ADAMTSL4: variants seen among roughly 807,000 people sequenced by gnomAD.
The protein encoded by ADAMTSL4 is ADAMTS-like protein 4.
A neutral mutation model predicts 122.8 loss-of-function variants in ADAMTSL4; 97 were observed. The ratio of observed to expected loss-of-function variants is 0.79; its 90% CI spans 0.67 to 0.93. The LOEUF (loss-of-function observed/expected upper bound fraction) is 0.93, where lower values mean the gene tolerates loss of function less well. ADAMTSL4 is among the 40% of genes least tolerant of loss of function. ADAMTSL4 has a pLI of 0.00. For missense variants in ADAMTSL4, 1,408 were observed against 1,453.5 expected (o/e 0.97, Z 0.51); for synonymous variants, 592 against 568.0 (o/e 1.04, Z -0.60).
chr1:150,555,651 A>C (rs1671971249), intron 8 of ADAMTSL4, 86 bp downstream of exon 8: 1 of 1,566,806 alleles, frequency 6.4e-7, no homozygotes. Context: ...GTACACACAT[A>C]TGTATGAACA....
Position 150,554,353 on chromosome 1 carries a change from C to A in ADAMTSL4, c.1132-12C>A. 1 of 1,611,040 alleles carries A rather than the reference C, an allele frequency of 6.2e-7. No homozygotes were observed. Among genetic ancestry groups the A allele is most frequent in the Non-Finnish European group, 8.5e-7 (1 of 1,178,570 alleles). On this transcript the variant is annotated splice_polypyrimidine_tract_variant and intron_variant, in intron 6 of 18. Coordinates refer to ENST00000271643, the MANE Select transcript of ADAMTSL4 (RefSeq NM_019032.6). This position sits in a 1 kb window ranked among gnomAD's most constrained non-coding sequence, Gnocchi z 4.0. ...CTCCCCAGCTCTGACTCCTTTGTAC[C>A]CCTCACCGCAGCCCTGCCCCCCTGA... is the stretch of plus-strand genomic sequence containing the variant.
At position 150,559,239 on chromosome 1, in the gene ADAMTSL4, C is replaced by G; in HGVS notation, c.2764-48C>G. 6.2e-7 allele frequency: 1 copy of G among 1,612,714 alleles called. No individual in the cohort carries two copies. The highest frequency in any genetic ancestry group is 8.5e-7 in the Non-Finnish European group (1 of 1,179,290). On this transcript the variant is annotated intron_variant, in intron 16 of 18. Coordinates refer to ENST00000271643, the MANE Select transcript of ADAMTSL4 (RefSeq NM_019032.6). This position sits in a 1 kb window ranked among gnomAD's most constrained non-coding sequence, Gnocchi z 4.1. The stretch of plus-strand genomic sequence containing the variant: ...GGATTCCTTGTGGGCACTTGGGGTG[C>G]TCTCTGTCCTCCCCTCCCCTCATCA...
intron 8 of ADAMTSL4, 106 bp downstream of exon 8, chr1:150,555,671 A>G: frequency 1.3e-6 from 2 of 1,501,248 alleles, no homozygotes; most frequent in Non-Finnish European, 1.8e-6. Context: ...ACATGCACAC[A>G]TGCAAGCACA....
Position 150,556,960 on chromosome 1 carries a change from C to A in ADAMTSL4, c.1771C>A (p.Pro591Thr). The A allele has an allele frequency of 6.2e-7, 1 of 1,614,072 alleles. No individual in the cohort carries two copies. The highest frequency in any genetic ancestry group is 8.5e-7 in the Non-Finnish European group (1 of 1,179,968). ...CCAGATGATCTTTCAGGAGGAAAAC[C>A]CAGGCGTTTTTTATCAGTATGTCAT... ...DVYMIFQEENPGVFYQYVISS... is the reference protein window; with the variant it reads ...DVYMIFQEENTGVFYQYVISS... The change falls in exon 11 of 19, where the codon CCA becomes ACA. Residue 591 changes from proline to threonine, a missense_variant. Coordinates refer to ENST00000271643, the MANE Select transcript of ADAMTSL4 (RefSeq NM_019032.6). The surrounding 1 kb of genome is among the most constrained non-coding windows in gnomAD (Gnocchi z 4.1).
intron 2 of ADAMTSL4, chr1:150,550,775 C>G (rs1412789345): frequency 4.4e-6 from 2 of 456,410 alleles, no homozygotes; most frequent in Non-Finnish European, 8.8e-6. Context: ...CACCCCAACC[C>G]CAATCCCTGA....
rs1570937751 is a variant in ADAMTSL4, at chr1:150,555,367, G to A, written c.1235-62G>A. 1.6e-5 allele frequency: 26 copies of A among 1,606,410 alleles called. No individual in the cohort carries two copies. In the East Asian group the frequency reaches 5.8e-4, roughly 36 times the overall value. On this transcript the variant is annotated intron_variant, in intron 7 of 18. Transcript: ENST00000271643. ...GCAACCTCAAGGTGCCCCCTCTGGG[G>A]CCTCTCTCAGCTAACCTCCCACCAG...
chr1:150,555,147 G>A (rs1025932741), intron 7 of ADAMTSL4, among the ~76,000 whole-genome samples: 3 of 151,948 alleles, frequency 2.0e-5, no homozygotes, highest in East Asian at 1.9e-4. Context: ...GTGCCACCAC[G>A]CCTGGCTAAT....
At chr1:150,557,802 A>G (rs1351633295) in intron 13 of ADAMTSL4, 143 bp from the exon 14 acceptor site, 4 of 1,274,268 alleles carry the variant, frequency 3.1e-6, no homozygotes, top group Non-Finnish European at 4.3e-6. Context: ...TGAGCCCCCC[A>G]GGAACCCAGA....
chr1:150,555,357 C>G, intron 7 of ADAMTSL4, 72 bp from the exon 8 acceptor site: 1 of 1,597,472 alleles, frequency 6.3e-7, no homozygotes, highest in Non-Finnish European at 8.5e-7. Context: ...CTCAAGGTGC[C>G]CCCTCTGGGG....
At chr1:150,553,278 G>A (rs2101573704) in intron 5 of ADAMTSL4, 25 bp downstream of exon 5, 3 of 1,610,602 alleles carry the variant, frequency 1.9e-6, no homozygotes, top group Non-Finnish European at 2.5e-6. Flanking sequence ...TGGAAGAGGT[G>A]GGCCTTGGGC....
rs762496609 is a variant in ADAMTSL4, at chr1:150,555,578, A to AGT, written c.1371+23_1371+24dup. The AGT allele has an allele frequency of 1.1e-5, 18 of 1,609,794 alleles. 1 individual carries two copies. Among genetic ancestry groups the AGT allele is most frequent in the South Asian group, 2.2e-5 (2 of 90,914 alleles). Reference sequence around the variant, plus strand: ...TGGACGCTGTCTGGTGAGGGAAGACAGTGTGTGTGTGCACACACACATGCA... The same window carrying AGT: ...TGGACGCTGTCTGGTGAGGGAAGACAGTGTGTGTGTGTGCACACACACATGCA... On this transcript the variant is annotated intron_variant, in intron 8 of 18. Coordinates refer to ENST00000271643, the MANE Select transcript of ADAMTSL4 (RefSeq NM_019032.6).
Position 150,555,700 on chromosome 1 carries a change from C to CAG in ADAMTSL4, c.1371+136_1371+137insGA. 3 of 168,576 alleles carry CAG rather than the reference C, an allele frequency of 1.8e-5. No individual in the cohort carries two copies. The South Asian group carries it at 3.9e-4, about 22-fold the overall frequency. The allele number at this position is 168,576 out of a possible 1,614,324, so 10.4% of individuals were successfully genotyped here. ...AAGCACATACACACACGCATATGCG[C>CAG]ACAGACACATGCACACACGCACACA... On this transcript the variant is annotated intron_variant, in intron 8 of 18. Coordinates refer to ENST00000271643, the MANE Select transcript of ADAMTSL4 (RefSeq NM_019032.6).
chr1:150,551,239 G>A (rs2101540915), intron 2 of ADAMTSL4: 1 of 351,638 alleles, frequency 2.8e-6, no homozygotes, highest in Middle Eastern at 1.0e-3. Flanking sequence ...AGCTGGTAGA[G>A]ACGCACAGGA....
intron 14 of ADAMTSL4, 83 bp downstream of exon 14, chr1:150,558,232 A>G: frequency 1.3e-6 from 2 of 1,595,228 alleles, no homozygotes; most frequent in Middle Eastern, 1.7e-4. Flanking sequence ...CTTCTTTTTC[A>G]TCAGCAGAAA....
At position 150,554,835 on chromosome 1, in the gene ADAMTSL4, G is replaced by C. The variant is rs1395165358; in HGVS notation, c.1234+368G>C. ...GGCACTGTCGTATCGGTTGCTCCCAGGTTACCATCCGCTTCATTTTAGGCC... is the reference window on the plus strand; with the variant it reads ...GGCACTGTCGTATCGGTTGCTCCCACGTTACCATCCGCTTCATTTTAGGCC... On this transcript the variant is annotated intron_variant, in intron 7 of 18. Transcript: ENST00000271643. This position sits in a 1 kb window ranked among gnomAD's most constrained non-coding sequence, Gnocchi z 4.0. 6.5e-6 allele frequency: 4 copies of C among 619,864 alleles called. No homozygotes were observed. Among genetic ancestry groups the C allele is most frequent in the Non-Finnish European group, 8.4e-6 (3 of 356,660 alleles). 38.4% of individuals were successfully genotyped at this position (619,864 alleles called of 1,614,324 possible). A position where few individuals can be genotyped will look rare whatever the true frequency, so the allele number is the denominator to read the frequency against.
intron 8 of ADAMTSL4, chr1:150,555,821 A>G (rs587727889): frequency 4.4e-5 from 27 of 614,004 alleles, no homozygotes; most frequent in Middle Eastern, 8.7e-4. Flanking sequence ...ATGCACACAC[A>G]CGTATGCAGA....
chr1:150,560,327 G>T lies in ADAMTSL4; in HGVS notation c.*131G>T. 1 of 1,410,752 alleles carries T rather than the reference G, an allele frequency of 7.1e-7. No individual in the cohort carries two copies. 87.4% of individuals were successfully genotyped at this position (1,410,752 alleles called of 1,614,324 possible). On this transcript the variant is annotated 3_prime_UTR_variant, in exon 19 of 19. Transcript: ENST00000271643. ...GATGTCCTCCAGGTGACAGAGGGTG[G>T]CAAGGTGACTGACACAAAGTGACTT... is the stretch of plus-strand genomic sequence containing the variant.
In ADAMTSL4 at chr1:150,554,752, T is replaced by C; in HGVS notation, c.1234+285T>C. On this transcript the variant is annotated intron_variant, in intron 7 of 18. Transcript: ENST00000271643. This position sits in a 1 kb window ranked among gnomAD's most constrained non-coding sequence, Gnocchi z 4.0. The stretch of plus-strand genomic sequence containing the variant: ...AGGTGGCTGTGACACAAGAGGGCCA[T>C]GGTGGGAGAGATCCTGTCCAGCCGT... The C allele has an allele frequency of 1.6e-6, 2 of 1,216,072 alleles. No homozygotes were observed. The highest frequency in any genetic ancestry group is 1.1e-6 in the Non-Finnish European group (1 of 876,700). 75.3% of individuals were successfully genotyped at this position (1,216,072 alleles called of 1,614,324 possible). A position where few individuals can be genotyped will look rare whatever the true frequency, so the allele number is the denominator to read the frequency against.
Position 150,554,298 on chromosome 1 carries a change from A to G in ADAMTSL4, c.1132-67A>G. ...GACCTGAGCCTCCCACCTGCTCCCC[A>G]GGTTCAGCCCTGCCCCTACCCTCAT... On this transcript the variant is annotated intron_variant, in intron 6 of 18. Coordinates refer to ENST00000271643, the MANE Select transcript of ADAMTSL4 (RefSeq NM_019032.6). The surrounding 1 kb of genome is among the most constrained non-coding windows in gnomAD (Gnocchi z 4.0). 1 of 1,532,356 alleles carries G rather than the reference A, an allele frequency of 6.5e-7. No homozygotes were observed. 94.9% of individuals were successfully genotyped at this position (1,532,356 alleles called of 1,614,324 possible). A position where few individuals can be genotyped will look rare whatever the true frequency, so the allele number is the denominator to read the frequency against.
Sources: gnomAD v4.1 joint callset for allele counts (sites outside exome capture counted in the v4.1 genomes callset) on GRCh38, gnomAD v4.1.1 for gene constraint, Gnocchi (gnomAD v3.1) non-coding constraint, MANE v1.5 for transcripts, NCBI Gene and HGNC (gene_info 2026-07-23, HGNC 2026-07-21) for gene names.